SUPT20H: variants seen among roughly 807,000 people sequenced by gnomAD.
SUPT20H encodes the protein SPT20 homolog, SAGA complex component.
Under a neutral mutation model 122.8 loss-of-function variants are expected in SUPT20H, and 82 were observed. That is an observed-to-expected ratio of 0.67 (90% CI 0.56 to 0.80). The LOEUF (loss-of-function observed/expected upper bound fraction) is 0.80. SUPT20H is among the 30% of genes least tolerant of loss of function. The pLI, the probability that SUPT20H is intolerant of heterozygous loss-of-function variation, is 0.00. For synonymous variants in SUPT20H, 291 were observed against 313.0 expected, an observed-to-expected ratio of 0.93 and a Z score of 0.74; for missense variants, 831 against 921.6, an observed-to-expected ratio of 0.90 and a Z score of 1.27.
At chr13:37,046,908 C>T (rs911390033) in intron 5 of SUPT20H, 3 of 151,890 alleles carry the variant, frequency 2.0e-5, no homozygotes, top group African/African-American at 7.3e-5. Flanking sequence ...TGTTTTTGGC[C>T]TAAATAGTAA....
At chr13:37,042,864 T>C (rs1052178750) in intron 7 of SUPT20H, among the ~76,000 whole-genome samples, 1 of 152,144 alleles carries the variant, frequency 6.6e-6, no homozygotes, top group Non-Finnish European at 1.5e-5. Flanking sequence ...ATTTGAGACA[T>C]ACAGGTTAAG....
At chr13:37,039,002 A>T (rs1412906107) in intron 9 of SUPT20H, 2 of 152,336 alleles carry the variant, frequency 1.3e-5, no homozygotes, top group East Asian at 3.9e-4. Flanking sequence ...GCAGTTTACA[A>T]ATGGGTAACT....
chr13:37,048,654 T>C, intron 2 of SUPT20H, 55 bp from the exon 3 acceptor site: 1 of 1,467,510 alleles, frequency 6.8e-7, no homozygotes, highest in Non-Finnish European at 9.3e-7. Flanking sequence ...CAAAAAAATT[T>C]AATATACATT....
intron 10 of SUPT20H, among the ~76,000 whole-genome samples, chr13:37,033,100 A>C (rs184042864): frequency 9.1e-4 from 138 of 152,120 alleles, no homozygotes; most frequent in East Asian, 7.7e-3. Context: ...AAAAGACTGC[A>C]GAAAATGCAA....
intron 25 of SUPT20H, among the ~76,000 whole-genome samples, chr13:37,010,239 A>T (rs2059356748): frequency 6.6e-6 from 1 of 152,254 alleles, no homozygotes; most frequent in Admixed American, 6.5e-5. Flanking sequence ...ACTTTTCTGC[A>T]GTAAAATATT....
chr13:37,015,231 G>A (rs1205369373), intron 23 of SUPT20H, among the ~76,000 whole-genome samples: 3 of 150,944 alleles, frequency 2.0e-5, no homozygotes, highest in Admixed American at 6.6e-5. Flanking sequence ...CAACAAATGG[G>A]AGAAAATATC....
chr13:37,021,879 G>T, intron 20 of SUPT20H, 132 bp downstream of exon 20: 1 of 1,100,436 alleles, frequency 9.1e-7, no homozygotes, highest in Non-Finnish European at 1.3e-6. Context: ...GGCAGCTTCT[G>T]TCCATATCTA....
Position 37,022,541 on chromosome 13 carries a change from T to C in SUPT20H, c.1592-461A>G, listed in dbSNP as rs1039896412. 1.8e-5 allele frequency: 22 copies of C among 1,218,706 alleles called. No homozygotes were observed. The highest frequency in any genetic ancestry group is 9.4e-5 in the African/African-American group (6 of 64,072). 75.5% of individuals were successfully genotyped at this position (1,218,706 alleles called of 1,614,324 possible). On this transcript the variant is annotated intron_variant, in intron 19 of 25. Coordinates refer to ENST00000350612, the MANE Select transcript of SUPT20H (RefSeq NM_001014286.3). This position sits in a 1 kb window ranked among gnomAD's most constrained non-coding sequence, Gnocchi z 4.5. ...CCTAAAAATCCCATTAAAGATGCTA[T>C]TGCAGTAACAGTAAAAATATACAGT...
At chr13:37,030,394 C>T (rs1248383665) in intron 12 of SUPT20H, among the ~76,000 whole-genome samples, 14 of 152,182 alleles carry the variant, frequency 9.2e-5, no homozygotes, top group Admixed American at 9.2e-4. Context: ...CAACCACGAT[C>T]TTAAGAGTAA....
At chr13:37,016,290 C>T (rs1013103898) in intron 23 of SUPT20H, among the ~76,000 whole-genome samples, 1 of 151,866 alleles carries the variant, frequency 6.6e-6, no homozygotes, top group Non-Finnish European at 1.5e-5. Context: ...ATTAGTCGGG[C>T]GTGGTGGCAC....
In SUPT20H at chr13:37,028,232, T is replaced by G. The variant is rs1006342443; in HGVS notation, c.1067A>C (p.Gln356Pro). The change falls in exon 14 of 26, where the codon CAG (glutamine) becomes CCG (proline). Residue 356 changes from glutamine (Q) to proline (P), a missense_variant. Gln to Pro is a moderately conservative substitution (Grantham distance 76, BLOSUM62 -1). Coordinates refer to ENST00000350612, the MANE Select transcript of SUPT20H (RefSeq NM_001014286.3). ...ATAGTAAAGTGGATCTCCAAGCGACTGCAAGATGGTCAGCTTTGTTTTCTG... is the reference window on the plus strand; with the variant it reads ...ATAGTAAAGTGGATCTCCAAGCGACGGCAAGATGGTCAGCTTTGTTTTCTG... ...QYQKTKLTIL[Q>P]SLGDPLYYGK... is the part of the protein sequence containing the mutation. 2 of 1,613,700 alleles carry G rather than the reference T, an allele frequency of 1.2e-6. No individual in the cohort carries two copies. The highest frequency in any genetic ancestry group is 1.7e-6 in the Non-Finnish European group (2 of 1,179,814).
chr13:37,052,876 G>C (rs1300080757), intron 1 of SUPT20H, among the ~76,000 whole-genome samples: 1 of 152,098 alleles, frequency 6.6e-6, no homozygotes, highest in Middle Eastern at 3.2e-3. Context: ...GATATGAACG[G>C]ACACTTCTCA....
rs1434047677 is a variant in SUPT20H, at chr13:37,009,601, AAGT to A, written c.*68_*70del. The A allele has an allele frequency of 3.8e-6, 6 of 1,586,380 alleles. No individual in the cohort carries two copies. The highest frequency in any genetic ancestry group is 3.3e-5 in the South Asian group (3 of 89,866). ...ATACTGACACATTAAAAAAAACAAA[AAGT>A]AGAAACTCAATTCTTTTGATTCAGT... On this transcript the variant is annotated 3_prime_UTR_variant, in exon 26 of 26. Transcript: ENST00000350612.
At chr13:37,038,484 T>A (rs1336768330) in intron 9 of SUPT20H, 1 of 152,220 alleles carries the variant, frequency 6.6e-6, no homozygotes, top group Non-Finnish European at 1.5e-5. Flanking sequence ...ATTCTTTTAA[T>A]AGCTTTTAAT....
intron 22 of SUPT20H, among the ~76,000 whole-genome samples, chr13:37,018,704 T>C (rs750067079): frequency 2.0e-5 from 3 of 152,206 alleles, no homozygotes; most frequent in Non-Finnish European, 2.9e-5. Context: ...TTGCCTAGGC[T>C]GGAATGCAGT....
Position 37,012,265 on chromosome 13 carries a change from C to G in SUPT20H, c.2025G>C (p.Gln675His), listed in dbSNP as rs192718830. 20 of 1,613,388 alleles carry G rather than the reference C, an allele frequency of 1.2e-5. No individual in the cohort carries two copies. In the Admixed American group the frequency reaches 2.0e-4, roughly 16 times the overall value. The change falls in exon 24 of 26, where the codon CAG (glutamine) becomes CAC (histidine). Residue 675 changes from glutamine (Q) to histidine (H), a missense_variant. Gln to His is a conservative substitution (Grantham distance 24, BLOSUM62 0). Transcript: ENST00000350612. ...CAGCAGCTTGCTGAGCAGATAAGGCCTGTTCTTGACTGGTTGAACCTTGCT... is the reference window on the plus strand; with the variant it reads ...CAGCAGCTTGCTGAGCAGATAAGGCGTGTTCTTGACTGGTTGAACCTTGCT... The part of the protein sequence containing the change: ...GSEQGSTSQE[Q>H]ALSAQQAAVI...
Position 37,022,137 on chromosome 13 carries a change from T to C in SUPT20H, c.1592-57A>G. Reference sequence around the variant, plus strand: ...AGGAATGGTTGTTACAGGCATTGCCTGGCTCAGAGACCTTTGCTGCTGAGC... The same window carrying C: ...AGGAATGGTTGTTACAGGCATTGCCCGGCTCAGAGACCTTTGCTGCTGAGC... On this transcript the variant is annotated intron_variant, in intron 19 of 25. Transcript: ENST00000350612. This position sits in a 1 kb window ranked among gnomAD's most constrained non-coding sequence, Gnocchi z 4.5. 6.2e-7 allele frequency: 1 copy of C among 1,614,132 alleles called. No homozygotes were observed. The highest frequency in any genetic ancestry group is 8.5e-7 in the Non-Finnish European group (1 of 1,180,014).
intron 3 of SUPT20H, 89 bp downstream of exon 3, chr13:37,048,475 T>C: frequency 7.9e-7 from 1 of 1,270,096 alleles, no homozygotes; most frequent in South Asian, 1.6e-5. Flanking sequence ...ATGTGCTCCT[T>C]TAAAAATCAC....
intron 3 of SUPT20H, among the ~76,000 whole-genome samples, 179 bp from the exon 4 acceptor site, chr13:37,048,115 A>G (rs544866245): frequency 6.6e-6 from 1 of 152,344 alleles, no homozygotes; most frequent in South Asian, 2.1e-4. Flanking sequence ...ATGAAATTTG[A>G]ACTGCACCAC....
Sources: allele counts gnomAD v4.1 joint callset (sites outside exome capture counted in the v4.1 genomes callset), GRCh38; gene constraint gnomAD v4.1.1; non-coding constraint Gnocchi (gnomAD v3.1); transcripts MANE v1.5; gene names NCBI Gene and HGNC (gene_info 2026-07-23, HGNC 2026-07-21).